SGSM1: variants seen among roughly 807,000 people sequenced by gnomAD.
SGSM1 encodes the protein small G protein signaling modulator 1.
In SGSM1, 73 loss-of-function variants were observed where a neutral mutation model predicts 133.8. The ratio of observed to expected loss-of-function variants is 0.55; its 90% confidence interval spans 0.45 to 0.66. The LOEUF is 0.66. Among genes scored for constraint, SGSM1 ranks in the 30% least tolerant of loss-of-function variants. SGSM1 has a pLI of 0.00. For missense variants in SGSM1, 1,213 were observed against 1,448.1 expected, an observed-to-expected ratio of 0.84 and a Z score of 2.64; for synonymous variants, 563 against 573.0, an observed-to-expected ratio of 0.98 and a Z score of 0.25.
chr22:24,900,616 C>A (rs940477321), intron 19 of SGSM1, among the ~76,000 whole-genome samples: 1 of 152,058 alleles, frequency 6.6e-6, no homozygotes, highest in African/African-American at 2.4e-5. Context: ...AGGCTGGTCT[C>A]AAACTCTCGA....
intron 2 of SGSM1, among the ~76,000 whole-genome samples, chr22:24,817,229 A>G (rs1321223390): frequency 6.6e-6 from 1 of 152,060 alleles, no homozygotes; most frequent in Admixed American, 6.5e-5. Context: ...CTGCCTGGGG[A>G]TGTACTATGT....
chr22:24,809,875 T>C (rs897115322), intron 2 of SGSM1, among the ~76,000 whole-genome samples: 3 of 152,188 alleles, frequency 2.0e-5, no homozygotes, highest in Non-Finnish European at 4.4e-5. Context: ...CAACTGACCA[T>C]GTGCAGGGGC....
At chr22:24,912,082 T>C (rs1040208908) in intron 21 of SGSM1, among the ~76,000 whole-genome samples, 36 of 143,484 alleles carry the variant, frequency 2.5e-4, no homozygotes, top group African/African-American at 8.6e-4. Flanking sequence ...AAAAAAAAAC[T>C]ATCAAGGTCA....
intron 8 of SGSM1, among the ~76,000 whole-genome samples, chr22:24,858,386 G>A (rs1391693507): frequency 2.0e-5 from 3 of 152,090 alleles, no homozygotes; most frequent in South Asian, 2.1e-4. Flanking sequence ...AGGCCAAGGC[G>A]GGTGGATTAC....
chr22:24,832,130 C>A (rs1420742619), intron 2 of SGSM1, among the ~76,000 whole-genome samples: 1 of 152,220 alleles, frequency 6.6e-6, no homozygotes, highest in Admixed American at 6.5e-5. Flanking sequence ...TGAGTTAGTT[C>A]ATCTGATCCC....
intron 21 of SGSM1, among the ~76,000 whole-genome samples, chr22:24,911,340 G>A (rs1460365677): frequency 6.9e-6 from 1 of 145,440 alleles, no homozygotes; most frequent in Admixed American, 7.0e-5. Flanking sequence ...TGCCCAGGCT[G>A]GAGTGCAATG....
chr22:24,827,441 C>T (rs1281954460), intron 2 of SGSM1, among the ~76,000 whole-genome samples: 1 of 151,838 alleles, frequency 6.6e-6, no homozygotes, highest in African/African-American at 2.4e-5. Flanking sequence ...TGTGGCTGGA[C>T]GTGGTGGGGC....
chr22:24,901,956 A>T lies in SGSM1; in HGVS notation c.2734A>T (p.Ser912Cys). The T allele has an allele frequency of 2.5e-6, 3 of 1,183,510 alleles. No individual in the cohort carries two copies. Among genetic ancestry groups the T allele is most frequent in the Non-Finnish European group, 3.2e-6 (3 of 934,286 alleles). 73.3% of individuals were successfully genotyped at this position (1,183,510 alleles called of 1,614,324 possible). The change falls in exon 20 of 25, where the codon AGC (serine) becomes TGC (cysteine). Residue 912 changes from serine (S) to cysteine (C), a missense_variant and splice_region_variant. Physicochemically the swap from Ser to Cys is moderately radical, Grantham distance 112. Coordinates refer to ENST00000400358, the MANE Select transcript of SGSM1 (RefSeq NM_001098497.3). ...NLEKLRNIMC[S>C]YIWQHIEIGY... Reference sequence around the variant, plus strand: ...GGAGAAGCTGCGTAACATCATGTGCAGGTGGCTGGGGACAGCGAGGGGATC... The same window carrying T: ...GGAGAAGCTGCGTAACATCATGTGCTGGTGGCTGGGGACAGCGAGGGGATC...
rs746665732 is a variant in SGSM1 at position 24,893,526 on chromosome 22, G to A, written c.1866G>A (p.Ala622=). ...GGCAGAGGGAGCGGGAGTCCCATGCGGCCGCCCTGGCCAAATGCTCATCCG... is the reference window on the plus strand; with the variant it reads ...GGCAGAGGGAGCGGGAGTCCCATGCAGCCGCCCTGGCCAAATGCTCATCCG... ...IVRQRERESH[A]AALAKCSSGA... Residue 622 remains alanine (A), a synonymous_variant, in exon 17 of 25, where the codon GCG becomes GCA. Transcript: ENST00000400358. 1.2e-5 allele frequency: 19 copies of A among 1,610,864 alleles called. No homozygotes were observed. Among genetic ancestry groups the A allele is most frequent in the East Asian group, 4.5e-5 (2 of 44,838 alleles).
intron 2 of SGSM1, among the ~76,000 whole-genome samples, chr22:24,815,964 C>T (rs1928045796): frequency 6.6e-6 from 1 of 152,100 alleles, no homozygotes; most frequent in African/African-American, 2.4e-5. Context: ...CTGGGAGGGT[C>T]AGTTTCTATG....
intron 19 of SGSM1, among the ~76,000 whole-genome samples, 184 bp downstream of exon 19, chr22:24,898,743 G>C (rs1006444681): frequency 6.6e-6 from 1 of 152,034 alleles, no homozygotes; most frequent in African/African-American, 2.4e-5. Flanking sequence ...ATTTAAAAAG[G>C]GGGGCTGGGC....
chr22:24,919,889 C>G lies in SGSM1; in HGVS notation c.3089C>G (p.Ser1030Cys). Residue 1030 changes from serine (S) to cysteine (C), a missense_variant, in exon 24 of 25, where the codon TCT (serine) becomes TGT (cysteine). Coordinates refer to ENST00000400358, the MANE Select transcript of SGSM1 (RefSeq NM_001098497.3). The stretch of plus-strand genomic sequence containing the variant: ...ATCTGGGCAGCCAAACACGTCTCCT[C>G]TGCGCACTACGTCCTGTTCATTGCG... ...ETIWAAKHVS[S>C]AHYVLFIALA... 1 of 1,614,090 alleles carries G rather than the reference C, an allele frequency of 6.2e-7. No individual in the cohort carries two copies. The highest frequency in any genetic ancestry group is 8.5e-7 in the Non-Finnish European group (1 of 1,179,910).
chr22:24,831,337 A>G (rs976927237), intron 2 of SGSM1, among the ~76,000 whole-genome samples: 15 of 152,056 alleles, frequency 9.9e-5, no homozygotes, highest in African/African-American at 3.6e-4. Flanking sequence ...GGGAGCTGGG[A>G]TGGCCTGTCT....
chr22:24,836,185 T>C (rs934693517), intron 2 of SGSM1, among the ~76,000 whole-genome samples: 11 of 152,222 alleles, frequency 7.2e-5, no homozygotes, highest in African/African-American at 2.4e-4. Context: ...GTACCTCTTA[T>C]AAGTGGAATC....
intron 9 of SGSM1, among the ~76,000 whole-genome samples, chr22:24,864,855 G>A (rs552810877): frequency 1.4e-4 from 22 of 152,304 alleles, no homozygotes; most frequent in Admixed American, 7.8e-4. Flanking sequence ...GCTAAAACAC[G>A]CAAATGAAAA....
At chr22:24,876,246 A>G (rs935687622) in intron 12 of SGSM1, among the ~76,000 whole-genome samples, 4 of 152,180 alleles carry the variant, frequency 2.6e-5, no homozygotes, top group Admixed American at 6.5e-5. Context: ...TCCCTCCTGC[A>G]GCATCCTGTG....
intron 10 of SGSM1, among the ~76,000 whole-genome samples, chr22:24,868,163 G>A (rs1931560298): frequency 6.6e-6 from 1 of 152,128 alleles, no homozygotes; most frequent in Non-Finnish European, 1.5e-5. Flanking sequence ...ACTTTGTCCT[G>A]TAGTCCCGTC....
At position 24,916,633 on chromosome 22, in the gene SGSM1, G is replaced by A. The variant is rs1933831665; in HGVS notation, c.2929-1025G>A. Among the ~76,000 whole-genome samples the A allele has an allele frequency of 2.0e-5, 3 of 152,264 alleles. No individual in the cohort carries two copies. In the South Asian group the frequency reaches 6.2e-4, roughly 32 times the overall value. The stretch of plus-strand genomic sequence containing the variant: ...GAATCGCTTGAACCTGGGAGGCAGA[G>A]GTTGCAGTGAGCTGAAATCGCACCA... On this transcript the variant is annotated intron_variant, in intron 22 of 24. Coordinates refer to ENST00000400358, the MANE Select transcript of SGSM1 (RefSeq NM_001098497.3).
chr22:24,841,323 G>A (rs1929795790), intron 2 of SGSM1, among the ~76,000 whole-genome samples: 2 of 152,192 alleles, frequency 1.3e-5, no homozygotes, highest in South Asian at 2.1e-4. Context: ...AAGATGCTTT[G>A]TATGATCTCA....
Sources: gnomAD v4.1 joint callset for allele counts (sites outside exome capture counted in the v4.1 genomes callset) on GRCh38, gnomAD v4.1.1 for gene constraint, MANE v1.5 for transcripts, NCBI Gene and HGNC (gene_info 2026-07-23, HGNC 2026-07-21) for gene names.